Variants in DNAJA1 observed in about 807,000 individuals in gnomAD.
The protein encoded by DNAJA1 is dnaJ homolog subfamily A member 1.
A neutral mutation model predicts 47.6 loss-of-function variants in DNAJA1; 26 were observed. The ratio of observed to expected loss-of-function variants is 0.55; its 90% CI spans 0.40 to 0.76. The LOEUF (loss-of-function observed/expected upper bound fraction) is 0.76. DNAJA1 is among the 30% of genes least tolerant of loss of function. The pLI is 0.00. For synonymous variants in DNAJA1, 165 were observed against 158.4 expected, an observed-to-expected ratio of 1.04 and a Z score of -0.31; for missense variants, 315 against 485.0, an observed-to-expected ratio of 0.65 and a Z score of 3.29.
intron 4 of DNAJA1, 53 bp downstream of exon 4, chr9:33,030,042 A>G (rs765592173): frequency 9.3e-6 from 14 of 1,502,570 alleles, no homozygotes; most frequent in Non-Finnish European, 1.3e-5. Context: ...CTTTAATATG[A>G]CACCTGAAAA....
At position 33,030,586 on chromosome 9, in the gene DNAJA1, A is replaced by T. The variant is rs1587697757; in HGVS notation, c.562A>T (p.Ser188Cys). ...MECQGHGERI[S>C]PKDRCKSCNG... ...GTGCCAGGGCCATGGGGAGCGGATC[A>T]GTCCTAAAGATAGATGTAAAAGCTG... The change falls in exon 5 of 9, where the codon AGT becomes TGT. Residue 188 changes from serine to cysteine, a missense_variant. This residue lies in a region of DNAJA1 where 45 missense variants were observed against 93.3 expected (regional missense o/e 0.48). Transcript: ENST00000330899. The T allele has an allele frequency of 1.9e-6, 3 of 1,614,210 alleles. No homozygotes were observed. Among genetic ancestry groups the T allele is most frequent in the Non-Finnish European group, 2.5e-6 (3 of 1,180,034 alleles).
At position 33,039,644 on chromosome 9, in the gene DNAJA1, C is replaced by T. The variant is rs1292448530; in HGVS notation, c.*741C>T. The T allele has an allele frequency of 2.0e-5, 3 of 150,652 alleles. No homozygotes were observed. Among genetic ancestry groups the T allele is most frequent in the Non-Finnish European group, 4.4e-5 (3 of 67,512 alleles). The allele number at this position is 150,652 out of a possible 1,614,324, so 9.3% of individuals were successfully genotyped here. A position where few individuals can be genotyped will look rare whatever the true frequency, so the allele number is the denominator to read the frequency against. On this transcript the variant is annotated 3_prime_UTR_variant, in exon 9 of 9. Coordinates refer to ENST00000330899, the MANE Select transcript of DNAJA1 (RefSeq NM_001539.4). ...AAGTAGTGACTTCAGAGCTGGGTAACAGAAATTAAAGTGAAAAGACCTTTA... is the reference window on the plus strand; with the variant it reads ...AAGTAGTGACTTCAGAGCTGGGTAATAGAAATTAAAGTGAAAAGACCTTTA...
In DNAJA1 at chr9:33,039,352, T is replaced by C. The variant is rs1839083819; in HGVS notation, c.*449T>C. 1 of 154,172 alleles carries C rather than the reference T, an allele frequency of 6.5e-6. No individual in the cohort carries two copies. The highest frequency in any genetic ancestry group is 2.4e-5 in the African/African-American group (1 of 41,442). The allele number at this position is 154,172 out of a possible 1,614,324, so 9.6% of individuals were successfully genotyped here. ...GTATAGTTCTTTATATTAAGTGGGA[T>C]TCATTGTAATGCCTCTGCATTTATT... On this transcript the variant is annotated 3_prime_UTR_variant, in exon 9 of 9. Coordinates refer to ENST00000330899, the MANE Select transcript of DNAJA1 (RefSeq NM_001539.4).
intron 5 of DNAJA1, among the ~76,000 whole-genome samples, chr9:33,031,480 T>C (rs1838961179): frequency 6.6e-6 from 1 of 152,042 alleles, no homozygotes; most frequent in South Asian, 2.1e-4. Flanking sequence ...TGCCCAGGCT[T>C]GAGTGCAGTG....
chr9:33,038,631 C>T lies in DNAJA1; in HGVS notation c.976-54C>T, dbSNP rs181836256. 40 of 1,537,640 alleles carry T rather than the reference C, an allele frequency of 2.6e-5. No homozygotes were observed. In the East Asian group the frequency reaches 7.9e-4, roughly 31 times the overall value. The stretch of plus-strand genomic sequence containing the variant: ...TTCTGGGGAAAATGGGTCCATGATA[C>T]TCTAAGGGAGCTAATGATGAAATCA... On this transcript the variant is annotated intron_variant, in intron 8 of 8. Coordinates refer to ENST00000330899, the MANE Select transcript of DNAJA1 (RefSeq NM_001539.4).
chr9:33,034,618 A>T (rs940950929), intron 6 of DNAJA1, among the ~76,000 whole-genome samples: 2 of 131,700 alleles, frequency 1.5e-5, no homozygotes, highest in Non-Finnish European at 3.7e-5. Flanking sequence ...ATTTGCCCTC[A>T]ATCTTTGTAA....
chr9:33,026,360 GGGAAGGT>G, intron 1 of DNAJA1, 108 bp from the exon 2 acceptor site: 1 of 1,073,348 alleles, frequency 9.3e-7, no homozygotes, highest in East Asian at 3.0e-5. Flanking sequence ...GTGAAATTTA[GGGAAGGT>G]GGTGTTCTTA....
intron 3 of DNAJA1, among the ~76,000 whole-genome samples, chr9:33,027,576 C>T (rs972164879): frequency 6.6e-5 from 10 of 151,726 alleles, no homozygotes; most frequent in Admixed American, 3.3e-4. Flanking sequence ...GAGAACAGGC[C>T]GCGTGCTGTG....
At chr9:33,038,295 G>C (rs1204274774) in intron 8 of DNAJA1, among the ~76,000 whole-genome samples, 1 of 152,142 alleles carries the variant, frequency 6.6e-6, no homozygotes. Context: ...GAGCCACCGC[G>C]CCTGGCCTAA....
At chr9:33,033,734 A>G (rs1174578452) in intron 5 of DNAJA1, among the ~76,000 whole-genome samples, 1 of 152,208 alleles carries the variant, frequency 6.6e-6, no homozygotes, top group Non-Finnish European at 1.5e-5. Flanking sequence ...TTATATATAA[A>G]TACTACAATA....
At chr9:33,032,396 G>A (rs1250932813) in intron 5 of DNAJA1, among the ~76,000 whole-genome samples, 3 of 152,226 alleles carry the variant, frequency 2.0e-5, no homozygotes, top group South Asian at 2.1e-4. Context: ...AAGTCTTAAC[G>A]TTGTTGATAG....
At chr9:33,028,271 A>G (rs974077105) in intron 3 of DNAJA1, among the ~76,000 whole-genome samples, 1 of 152,122 alleles carries the variant, frequency 6.6e-6, no homozygotes, top group African/African-American at 2.4e-5. Context: ...TTCTTGTTTC[A>G]GCTTTATTGT....
At chr9:33,025,629 G>GCTA (rs1220526159) in intron 1 of DNAJA1, among the ~76,000 whole-genome samples, 1 of 151,826 alleles carries the variant, frequency 6.6e-6, no homozygotes, top group Non-Finnish European at 1.5e-5. Context: ...TCTCCAAGGA[G>GCTA]CTACTGTCTT....
intron 1 of DNAJA1, among the ~76,000 whole-genome samples, chr9:33,026,092 A>G (rs1260077130): frequency 6.6e-6 from 1 of 152,214 alleles, no homozygotes; most frequent in African/African-American, 2.4e-5. Context: ...AGTTTATCAG[A>G]TTTGCCAAAG....
At chr9:33,030,053 T>C (rs1228950852) in intron 4 of DNAJA1, 64 bp downstream of exon 4, 6 of 1,446,448 alleles carry the variant, frequency 4.1e-6, no homozygotes, top group African/African-American at 2.8e-5. Flanking sequence ...CACCTGAAAA[T>C]GGAGCTAAGA....
chr9:33,030,323 A>G, intron 4 of DNAJA1, 117 bp from the exon 5 acceptor site: 1 of 936,380 alleles, frequency 1.1e-6, no homozygotes, highest in Non-Finnish European at 1.6e-6. Context: ...AGAGGGTAGC[A>G]TTCCATCAGG....
chr9:33,032,212 T>C (rs1564013462), intron 5 of DNAJA1, among the ~76,000 whole-genome samples: 1 of 152,272 alleles, frequency 6.6e-6, no homozygotes, highest in Non-Finnish European at 1.5e-5. Flanking sequence ...ATGTGACTCA[T>C]GATACTGGCC....
rs1375791057 is a variant in DNAJA1 at position 33,039,838 on chromosome 9, G to C, written c.*935G>C. ...CTCATATGTTCACATGCTTAAATCT[G>C]GGTATCAGAATTTAAGCAATTCTTG... On this transcript the variant is annotated 3_prime_UTR_variant, in exon 9 of 9. Transcript: ENST00000330899. The C allele has an allele frequency of 1.3e-5, 2 of 151,936 alleles. No homozygotes were observed. The highest frequency in any genetic ancestry group is 4.8e-5 in the African/African-American group (2 of 41,358). 9.4% of individuals were successfully genotyped at this position (151,936 alleles called of 1,614,324 possible).
intron 6 of DNAJA1, among the ~76,000 whole-genome samples, chr9:33,035,248 A>G (rs4879661): frequency 0.33 from 49,663 of 151,682 alleles, 8,420 homozygotes; most frequent in Non-Finnish European, 0.37. Flanking sequence ...TTAGCCAGGC[A>G]TGGTGGCAGG....
Sources: allele counts gnomAD v4.1 joint callset (sites outside exome capture counted in the v4.1 genomes callset), GRCh38; gene constraint gnomAD v4.1.1; regional missense constraint gnomAD v4.1.1; transcripts MANE v1.5; gene names NCBI Gene and HGNC (gene_info 2026-07-23, HGNC 2026-07-21).